The following SUPT5H variants were observed in gnomAD, a reference collection of about 807,000 sequenced individuals.
SUPT5H encodes transcription elongation factor SPT5.
SUPT5H carries 24 observed loss-of-function variants against 142.5 expected under a neutral mutation model. The observed-to-expected ratio is 0.17, with a 90% CI of 0.12 to 0.24. The LOEUF (loss-of-function observed/expected upper bound fraction) is 0.24. Among genes scored for constraint, SUPT5H ranks in the 10% least tolerant of loss-of-function variants. SUPT5H has a pLI of 1.00. For missense variants in SUPT5H, 893 were observed against 1,471.8 expected (o/e 0.61, Z 6.43); for synonymous variants, 546 against 553.0 (o/e 0.99, Z 0.18).
At chr19:39,461,840 AT>A (rs1342136520) in intron 10 of SUPT5H, among the ~76,000 whole-genome samples, 50 of 139,532 alleles carry the variant, frequency 3.6e-4, no homozygotes, top group African/African-American at 9.6e-4. Context: ...AAAAAAAAAA[AT>A]AATAATAATA....
intron 2 of SUPT5H, among the ~76,000 whole-genome samples, chr19:39,452,365 G>C (rs1529732): frequency 4.0e-5 from 6 of 151,560 alleles, no homozygotes; most frequent in Admixed American, 2.0e-4. Flanking sequence ...AGGGAGAGAG[G>C]GCATGGAGGG....
At chr19:39,467,646 G>A (rs1239925126) in intron 13 of SUPT5H, 1 of 152,116 alleles carries the variant, frequency 6.6e-6, no homozygotes, top group Non-Finnish European at 1.5e-5. Context: ...TAGAGAATTG[G>A]AGCAGCCCAG....
At position 39,474,063 on chromosome 19, in the gene SUPT5H, C is replaced by T. The variant is rs1447960152; in HGVS notation, c.2593C>T (p.Pro865Ser). ...TCCCCAAACACCTGGCTACCCAGAC[C>T]CCTCGTCCCCACAGGTCAACCCACA... The part of the protein sequence containing the change: ...PNPQTPGYPD[P>S]SSPQVNPQYN... The change falls in exon 26 of 30, where the codon CCC (proline) becomes TCC (serine). Residue 865 changes from proline to serine, a missense_variant. Physicochemically the swap from Pro to Ser is moderately conservative, Grantham distance 74 (BLOSUM62 -1). Transcript: ENST00000432763. The surrounding 1 kb of genome is among the most constrained non-coding windows in gnomAD (Gnocchi z 6.5). The T allele has an allele frequency of 3.7e-6, 6 of 1,610,230 alleles. No individual in the cohort carries two copies.
Position 39,458,695 on chromosome 19 carries a change from T to A in SUPT5H, c.320-123T>A. On this transcript the variant is annotated intron_variant, in intron 5 of 29. Coordinates refer to ENST00000432763, the MANE Select transcript of SUPT5H (RefSeq NM_001111020.3). This position sits in a 1 kb window ranked among gnomAD's most constrained non-coding sequence, Gnocchi z 4.2. Reference sequence around the variant, plus strand: ...GGGGATGAGGGGTTGGGATTTCCTCTGTGAGATGTCATCTTCCTGCCCCAG... The same window carrying A: ...GGGGATGAGGGGTTGGGATTTCCTCAGTGAGATGTCATCTTCCTGCCCCAG... 2 of 904,026 alleles carry A rather than the reference T, an allele frequency of 2.2e-6. No individual in the cohort carries two copies. Among genetic ancestry groups the A allele is most frequent in the Non-Finnish European group, 3.4e-6 (2 of 596,374 alleles). 56.0% of individuals were successfully genotyped at this position (904,026 alleles called of 1,614,324 possible).
In SUPT5H at chr19:39,457,532, C is replaced by T. The variant is rs369785360; in HGVS notation, c.242-143C>T. 1,338 of 1,432,144 alleles carry T rather than the reference C, an allele frequency of 9.3e-4. 2 individuals are homozygous for T. Among genetic ancestry groups the T allele is most frequent in the Admixed American group, 1.4e-3 (64 of 45,748 alleles). The allele number at this position is 1,432,144 out of a possible 1,614,324, so 88.7% of individuals were successfully genotyped here. A position where few individuals can be genotyped will look rare whatever the true frequency, so the allele number is the denominator to read the frequency against. On this transcript the variant is annotated intron_variant, in intron 3 of 29. Transcript: ENST00000432763. ...ACCAGCTCTGTGGCACGGCCCCAGA[C>T]GAGTGCCTCCCTGTTGGAGCCTCAG...
intron 10 of SUPT5H, among the ~76,000 whole-genome samples, chr19:39,460,934 A>G (rs1204832818): frequency 1.3e-5 from 2 of 152,114 alleles, no homozygotes; most frequent in African/African-American, 4.8e-5. Flanking sequence ...AGTGGGACCA[A>G]GTAGACAGTT....
chr19:39,452,623 C>T (rs932472706), intron 2 of SUPT5H, among the ~76,000 whole-genome samples: 4 of 152,124 alleles, frequency 2.6e-5, no homozygotes, highest in African/African-American at 9.7e-5. Flanking sequence ...TCTTCGTGAG[C>T]AGTGTGGACT....
chr19:39,470,200 G>C lies in SUPT5H; in HGVS notation c.1456G>C (p.Glu486Gln). 6.2e-7 allele frequency: 1 copy of C among 1,610,808 alleles called. No homozygotes were observed. Among genetic ancestry groups the C allele is most frequent in the Non-Finnish European group, 8.5e-7 (1 of 1,177,994 alleles). Residue 486 changes from glutamate (E) to glutamine (Q), a missense_variant, in exon 17 of 30, where the codon GAG (glutamate) becomes CAG (glutamine). This residue lies in a region of SUPT5H where 428 missense variants were observed against 763.5 expected (regional missense o/e 0.56). Transcript: ENST00000432763. The surrounding 1 kb of genome is among the most constrained non-coding windows in gnomAD (Gnocchi z 5.8). ...DHVKVIAGRF[E>Q]GDTGLIVRVE... Reference sequence around the variant, plus strand: ...CGTGAAGGTGATTGCTGGCCGATTCGAGGGCGACACAGGCCTCATTGTGCG... The same window carrying C: ...CGTGAAGGTGATTGCTGGCCGATTCCAGGGCGACACAGGCCTCATTGTGCG...
chr19:39,446,934 G>A lies in SUPT5H; in HGVS notation c.75+969G>A, dbSNP rs115653216. ...TGAAGCTGAGAATCGCTTGAACCAGGGAGGTGGAGACTGTGGTGAGCTGAG... is the reference window on the plus strand; with the variant it reads ...TGAAGCTGAGAATCGCTTGAACCAGAGAGGTGGAGACTGTGGTGAGCTGAG... On this transcript the variant is annotated intron_variant, in intron 2 of 29. Coordinates refer to ENST00000432763, the MANE Select transcript of SUPT5H (RefSeq NM_001111020.3). Among the ~76,000 whole-genome samples the A allele has an allele frequency of 5.0e-3, 756 of 152,338 alleles. 8 individuals are homozygous for A. Among genetic ancestry groups the A allele is most frequent in the African/African-American group, 0.017 (708 of 41,578 alleles).
Position 39,458,352 on chromosome 19 carries a change from GA to G in SUPT5H, c.319+48del, listed in dbSNP as rs1433201714. The G allele has an allele frequency of 1.3e-6, 2 of 1,498,512 alleles. No homozygotes were observed. Among genetic ancestry groups the G allele is most frequent in the Non-Finnish European group, 1.8e-6 (2 of 1,102,370 alleles). The allele number at this position is 1,498,512 out of a possible 1,614,324, so 92.8% of individuals were successfully genotyped here. A position where few individuals can be genotyped will look rare whatever the true frequency, so the allele number is the denominator to read the frequency against. On this transcript the variant is annotated intron_variant, in intron 5 of 29. Transcript: ENST00000432763. This position sits in a 1 kb window ranked among gnomAD's most constrained non-coding sequence, Gnocchi z 4.2. ...TTCCCTGACCTTCCTCCCATATCCT[GA>G]CATTTCCTCCTTCCTGAGGCACCTG...
intron 10 of SUPT5H, among the ~76,000 whole-genome samples, chr19:39,462,562 C>T (rs1458596430): frequency 2.0e-5 from 3 of 151,798 alleles, no homozygotes; most frequent in African/African-American, 7.3e-5. Flanking sequence ...TGGAGTTTTA[C>T]TCTTCTTGCC....
rs748222458 is a variant in SUPT5H at position 39,472,836 on chromosome 19, G to A, written c.2062G>A (p.Gly688Ser). The A allele has an allele frequency of 6.2e-7, 1 of 1,613,616 alleles. No homozygotes were observed. The highest frequency in any genetic ancestry group is 1.7e-5 in the Admixed American group (1 of 59,972). The change falls in exon 22 of 30, where the codon GGT (glycine) becomes AGT (serine). Residue 688 changes from glycine to serine, a missense_variant. Transcript: ENST00000432763. The surrounding 1 kb of genome is among the most constrained non-coding windows in gnomAD (Gnocchi z 4.2). The stretch of plus-strand genomic sequence containing the variant: ...TCAGCGTGGCGGCTTTGGTAGCCCA[G>A]GTGGCGGCAGTGGTGGCATGAGCAG... ...GGQRGGFGSP[G>S]GGSGGMSRGR...
chr19:39,460,101 C>A (rs1356072384), intron 10 of SUPT5H, 141 bp downstream of exon 10: 2 of 787,498 alleles, frequency 2.5e-6, no homozygotes, highest in Non-Finnish European at 4.3e-6. Flanking sequence ...GGAATAAGAC[C>A]ACTGCCTAGA....
rs1401321677 is a variant in SUPT5H, at chr19:39,445,825, G to A, written c.-66G>A. The A allele has an allele frequency of 6.3e-7, 1 of 1,576,510 alleles. No individual in the cohort carries two copies. The highest frequency in any genetic ancestry group is 8.6e-7 in the Non-Finnish European group (1 of 1,156,814). On this transcript the variant is annotated 5_prime_UTR_variant, in exon 2 of 30. Coordinates refer to ENST00000432763, the MANE Select transcript of SUPT5H (RefSeq NM_001111020.3). ...CCAGGGAACCAGCGGGGAAACTGAG[G>A]CTCGGGGTGGAGCGCAGGATTGTGG...
At chr19:39,457,614 G>A (rs901260973) in intron 3 of SUPT5H, 61 bp from the exon 4 acceptor site, 37 of 1,586,814 alleles carry the variant, frequency 2.3e-5, no homozygotes, top group South Asian at 8.1e-5. Context: ...GAGATGCTTC[G>A]TGTCCTGGGA....
At chr19:39,467,667 A>G (rs1344937574) in intron 13 of SUPT5H, 1 of 152,108 alleles carries the variant, frequency 6.6e-6, no homozygotes, top group African/African-American at 2.4e-5. Flanking sequence ...GAATTTCAAC[A>G]TCCCAGGGCC....
At chr19:39,448,265 C>G (rs1016097927) in intron 2 of SUPT5H, among the ~76,000 whole-genome samples, 3 of 152,186 alleles carry the variant, frequency 2.0e-5, no homozygotes, top group African/African-American at 7.2e-5. Flanking sequence ...CCTGCTTATC[C>G]TCTGTGGACA....
chr19:39,456,839 G>A (rs2079097187), intron 3 of SUPT5H, among the ~76,000 whole-genome samples: 1 of 152,306 alleles, frequency 6.6e-6, no homozygotes, highest in African/African-American at 2.4e-5. Context: ...GATTACAGGT[G>A]TGAGCCACCA....
chr19:39,445,979 G>T lies in SUPT5H; in HGVS notation c.75+14G>T, dbSNP rs777849362. The T allele has an allele frequency of 6.2e-7, 1 of 1,609,636 alleles. No homozygotes were observed. The highest frequency in any genetic ancestry group is 8.5e-7 in the Non-Finnish European group (1 of 1,179,248). ...GAGGAGGCCGAGGTCTGTGGCTGGG[G>T]CGCTGGGGGAGACATTGCGTCTGGG... On this transcript the variant is annotated intron_variant, in intron 2 of 29. Transcript: ENST00000432763.
Sources: gnomAD v4.1 joint callset for allele counts (sites outside exome capture counted in the v4.1 genomes callset) on GRCh38, gnomAD v4.1.1 for gene constraint, gnomAD v4.1.1 regional missense constraint, Gnocchi (gnomAD v3.1) non-coding constraint, MANE v1.5 for transcripts, NCBI Gene and HGNC (gene_info 2026-07-23, HGNC 2026-07-21) for gene names.